Variants in BIRC3 observed in about 807,000 individuals in gnomAD.
BIRC3 encodes the protein baculoviral IAP repeat-containing protein 3.
In BIRC3, 26 loss-of-function variants were observed where a neutral mutation model predicts 59.0. The observed-to-expected ratio is 0.44, with a 90% confidence interval of 0.32 to 0.61. The LOEUF is 0.61. Among genes scored for constraint, BIRC3 ranks in the 20% least tolerant of loss-of-function variants. The pLI is 0.04. For synonymous variants in BIRC3, 243 were observed against 249.2 expected, an observed-to-expected ratio of 0.98 and a Z score of 0.24; for missense variants, 641 against 711.5, an observed-to-expected ratio of 0.90 and a Z score of 1.13.
rs947526726 is a variant in BIRC3 at position 102,324,019 on chromosome 11, C to A, written c.-491C>A. 1.4e-5 allele frequency: 3 copies of A among 206,910 alleles called. No homozygotes were observed. Among genetic ancestry groups the A allele is most frequent in the African/African-American group, 6.8e-5 (3 of 43,836 alleles). 12.8% of individuals were successfully genotyped at this position (206,910 alleles called of 1,614,324 possible). The stretch of plus-strand genomic sequence containing the variant: ...ACTAAATTTCACAATTTCCAAAAAG[C>A]AAAATAAACATATTCTGAATATTTT... On this transcript the variant is annotated 5_prime_UTR_variant, in exon 2 of 9. Coordinates refer to ENST00000263464, the MANE Select transcript of BIRC3 (RefSeq NM_001165.5).
rs1360359736 is a variant in BIRC3, at chr11:102,324,260, T to A, written c.-250T>A. On this transcript the variant is annotated 5_prime_UTR_variant, in exon 2 of 9. Transcript: ENST00000263464. ...TTTTAATTTTCAACACAGCTTACTC[T>A]GTAGCATCATGTTTACATTGTATGT... 2.7e-6 allele frequency: 1 copy of A among 366,508 alleles called. No individual in the cohort carries two copies. Among genetic ancestry groups the A allele is most frequent in the Non-Finnish European group, 4.9e-6 (1 of 206,164 alleles). The allele number at this position is 366,508 out of a possible 1,614,324, so 22.7% of individuals were successfully genotyped here.
In BIRC3 at chr11:102,338,575, C is replaced by T. The variant is rs993681037; in HGVS notation, c.*1473C>T. The T allele has an allele frequency of 4.4e-6, 1 of 228,974 alleles. No individual in the cohort carries two copies. The highest frequency in any genetic ancestry group is 2.2e-5 in the African/African-American group (1 of 45,054). The allele number at this position is 228,974 out of a possible 1,614,324, so 14.2% of individuals were successfully genotyped here. ...AAGGATATGATCTAATGGGAATAGA[C>T]ACAGGTTGGGGACCCAGCAAGGCCT... is the stretch of plus-strand genomic sequence containing the variant. On this transcript the variant is annotated 3_prime_UTR_variant, in exon 9 of 9. Transcript: ENST00000263464.
intron 1 of BIRC3, among the ~76,000 whole-genome samples, chr11:102,318,913 C>T (rs2408343): frequency 0.011 from 1,705 of 152,260 alleles, 24 homozygotes; most frequent in South Asian, 0.027. Context: ...TTAAGTGATG[C>T]TGACTTAATG....
chr11:102,317,725 G>A (rs915583818), intron 1 of BIRC3, among the ~76,000 whole-genome samples, 154 bp downstream of exon 1: 2 of 152,210 alleles, frequency 1.3e-5, no homozygotes, highest in African/African-American at 4.8e-5. Flanking sequence ...GAGGTTGAGA[G>A]TCAGTGGGTG....
intron 6 of BIRC3, among the ~76,000 whole-genome samples, chr11:102,332,685 G>A (rs1591524384): frequency 6.6e-6 from 1 of 152,174 alleles, no homozygotes; most frequent in Non-Finnish European, 1.5e-5. Context: ...CCCTGCCCAT[G>A]AAGATGGATT....
In BIRC3 at chr11:102,325,458, A is replaced by G. The variant is rs763283221; in HGVS notation, c.854-8A>G. 1 of 1,607,946 alleles carries G rather than the reference A, an allele frequency of 6.2e-7. No homozygotes were observed. The highest frequency in any genetic ancestry group is 1.7e-5 in the Admixed American group (1 of 58,882). ...TATTCATAAGTTTTGGTCTAAAATT[A>G]ATTTTAGGTAACAGTGATGATGTCA... On this transcript the variant is annotated splice_polypyrimidine_tract_variant and splice_region_variant and intron_variant, in intron 2 of 8. Coordinates refer to ENST00000263464, the MANE Select transcript of BIRC3 (RefSeq NM_001165.5).
Position 102,324,591 on chromosome 11 carries a change from T to C in BIRC3, c.82T>C (p.Cys28Arg). ...NTFELKYDLS[C>R]ELYRMSTYST... Reference sequence around the variant, plus strand: ...GTTTGAACTGAAATACGACTTGTCATGTGAACTGTACCGAATGTCTACGTA... The same window carrying C: ...GTTTGAACTGAAATACGACTTGTCACGTGAACTGTACCGAATGTCTACGTA... The change falls in exon 2 of 9, where the codon TGT becomes CGT. Residue 28 changes from cysteine (C) to arginine (R), a missense_variant. Cys to Arg is a radical substitution (Grantham distance 180). Transcript: ENST00000263464. 1 of 1,614,160 alleles carries C rather than the reference T, an allele frequency of 6.2e-7. No homozygotes were observed. Among genetic ancestry groups the C allele is most frequent in the Non-Finnish European group, 8.5e-7 (1 of 1,179,990 alleles).
chr11:102,334,305 G>T (rs937263653), intron 6 of BIRC3, among the ~76,000 whole-genome samples: 1 of 152,016 alleles, frequency 6.6e-6, no homozygotes, highest in Non-Finnish European at 1.5e-5. Flanking sequence ...TAGAACTAAG[G>T]TTTGATTGTT....
chr11:102,328,874 A>ATG (rs748946282), intron 4 of BIRC3, 23 bp from the exon 5 acceptor site: 1 of 837,922 alleles, frequency 1.2e-6, no homozygotes. Context: ...ATATATATAT[A>ATG]TATATATTTT....
rs967749317 is a variant in BIRC3, at chr11:102,337,179, G to A, written c.*77G>A. On this transcript the variant is annotated 3_prime_UTR_variant, in exon 9 of 9. Transcript: ENST00000263464. ...ATAACTTTAACTTTTATCCTAATTT[G>A]GTTTCCTTAAAATTTTTATTTATTT... 6 of 1,172,394 alleles carry A rather than the reference G, an allele frequency of 5.1e-6. No individual in the cohort carries two copies. The highest frequency in any genetic ancestry group is 3.2e-5 in the African/African-American group (2 of 61,722). 72.6% of individuals were successfully genotyped at this position (1,172,394 alleles called of 1,614,324 possible).
chr11:102,336,254 T>G (rs1370672994), intron 7 of BIRC3, 34 bp downstream of exon 7: 2 of 1,546,768 alleles, frequency 1.3e-6, no homozygotes, highest in East Asian at 2.3e-5. Context: ...AAAAATTTTC[T>G]AAGTCAATTG....
rs968340561 is a variant in BIRC3 at position 102,322,824 on chromosome 11, G to C, written c.-1686G>C. On this transcript the variant is annotated 5_prime_UTR_variant, in exon 2 of 9. Coordinates refer to ENST00000263464, the MANE Select transcript of BIRC3 (RefSeq NM_001165.5). Reference sequence around the variant, plus strand: ...AAAAAGCCACAGTGACTTGCTTATTGGTCATTGCTAGTATTATCGACTCAG... The same window carrying C: ...AAAAAGCCACAGTGACTTGCTTATTCGTCATTGCTAGTATTATCGACTCAG... The C allele has an allele frequency of 5.0e-6, 1 of 201,758 alleles. No homozygotes were observed. Among genetic ancestry groups the C allele is most frequent in the Admixed American group, 6.1e-5 (1 of 16,362 alleles). The allele number at this position is 201,758 out of a possible 1,614,324, so 12.5% of individuals were successfully genotyped here.
At chr11:102,327,217 A>C (rs1273218885) in intron 3 of BIRC3, among the ~76,000 whole-genome samples, 3 of 152,218 alleles carry the variant, frequency 2.0e-5, no homozygotes, top group African/African-American at 7.2e-5. Context: ...CTCATTTGAA[A>C]TATTTATACT....
intron 4 of BIRC3, among the ~76,000 whole-genome samples, chr11:102,328,682 CA>C (rs1453225939): frequency 1.3e-5 from 2 of 152,050 alleles, no homozygotes; most frequent in East Asian, 3.9e-4. Context: ...ATTATATACA[CA>C]CACTGAAACT....
intron 2 of BIRC3, 47 bp from the exon 3 acceptor site, chr11:102,325,419 G>A (rs772044777): frequency 6.3e-7 from 1 of 1,592,818 alleles, no homozygotes; most frequent in South Asian, 1.2e-5. Flanking sequence ...ACATTTTAGT[G>A]GGCAAATTAT....
chr11:102,324,973 C>T lies in BIRC3; in HGVS notation c.464C>T (p.Ser155Phe), dbSNP rs1392932947. ...AACTCCAGAGCAAATCAAGATTTTT[C>T]TGCCTTGATGAGAAGTTCCTACCAC... ...PVNSRANQDF[S>F]ALMRSSYHCA... The change falls in exon 2 of 9, where the codon TCT becomes TTT. Residue 155 changes from serine to phenylalanine, a missense_variant. By Grantham distance (155) the Ser-to-Phe change is radical. Coordinates refer to ENST00000263464, the MANE Select transcript of BIRC3 (RefSeq NM_001165.5). 2 of 1,614,180 alleles carry T rather than the reference C, an allele frequency of 1.2e-6. No homozygotes were observed. Among genetic ancestry groups the T allele is most frequent in the Non-Finnish European group, 1.7e-6 (2 of 1,180,012 alleles).
In BIRC3 at chr11:102,325,275, G is replaced by A; in HGVS notation, c.766G>A (p.Ala256Thr). The A allele has an allele frequency of 1.2e-6, 2 of 1,614,120 alleles. No homozygotes were observed. The highest frequency in any genetic ancestry group is 1.7e-6 in the Non-Finnish European group (2 of 1,180,006). The change falls in exon 2 of 9, where the codon GCA becomes ACA. Residue 256 changes from alanine (A) to threonine (T), a missense_variant. Physicochemically the swap from Ala to Thr is moderately conservative, Grantham distance 58. This residue lies in a region of BIRC3 where 329 missense variants were observed against 365.6 expected (regional missense o/e 0.90). Coordinates refer to ENST00000263464, the MANE Select transcript of BIRC3 (RefSeq NM_001165.5). ...TVSNLSMQTH[A>T]ARFKTFFNWP... ...TTCTAATCTGAGCATGCAGACACAT[G>A]CAGCCCGCTTTAAAACATTCTTTAA...
At chr11:102,321,077 G>A (rs1032408075) in intron 1 of BIRC3, among the ~76,000 whole-genome samples, 3 of 152,192 alleles carry the variant, frequency 2.0e-5, no homozygotes, top group Non-Finnish European at 4.4e-5. Context: ...GAAAAAAATG[G>A]ATTTGGAAAC....
At chr11:102,330,905 A>G in intron 5 of BIRC3, 94 bp from the exon 6 acceptor site, 1 of 1,300,220 alleles carries the variant, frequency 7.7e-7, no homozygotes, top group Non-Finnish European at 1.0e-6. Flanking sequence ...TTTTAATATT[A>G]TAAAACCTTT....
Sources: gnomAD v4.1 joint callset for allele counts (sites outside exome capture counted in the v4.1 genomes callset) on GRCh38, gnomAD v4.1.1 for gene constraint, gnomAD v4.1.1 regional missense constraint, MANE v1.5 for transcripts, NCBI Gene and HGNC (gene_info 2026-07-23, HGNC 2026-07-21) for gene names.